ZNF202: variants seen among roughly 807,000 people sequenced by gnomAD.
ZNF202 encodes zinc finger protein with KRAB and SCAN domains 10.
ZNF202 carries 22 observed loss-of-function variants against 54.5 expected under a neutral mutation model. The ratio of observed to expected loss-of-function variants is 0.40; its 90% CI spans 0.29 to 0.58. The LOEUF (loss-of-function observed/expected upper bound fraction) is 0.58, where lower values mean the gene tolerates loss of function less well. Ranked by LOEUF, ZNF202 falls within the 20% of genes least tolerant of loss-of-function variation. The probability of loss-of-function intolerance (pLI) is 0.39; values close to 1 mark genes in which losing one functional copy is unlikely to be tolerated. For synonymous variants in ZNF202, 294 were observed against 301.4 expected (o/e 0.98, Z 0.26); for missense variants, 644 against 805.5 (o/e 0.80, Z 2.43).
intron 3 of ZNF202, among the ~76,000 whole-genome samples, chr11:123,736,519 T>C (rs1861638298): frequency 6.6e-6 from 1 of 152,242 alleles, no homozygotes; most frequent in Admixed American, 6.5e-5. Flanking sequence ...AGAATAGAAA[T>C]TGGCTAATAA....
chr11:123,726,576 G>A lies in ZNF202; in HGVS notation c.1368C>T (p.Pro456=). Residue 456 remains proline (P), a synonymous_variant, in exon 9 of 9, where the codon CCC becomes CCT. Coordinates refer to ENST00000530393, the MANE Select transcript of ZNF202 (RefSeq NM_003455.4). This position sits in a 1 kb window ranked among gnomAD's most constrained non-coding sequence, Gnocchi z 6.0. ...TCTCTTCCAAATTCTTCCGGTTTAG[G>A]GGATATTTGTAAGGCGCGTTCATCT... ...VHKMNAPYKY[P]LNRKNLEETS... 5 of 1,614,168 alleles carry A rather than the reference G, an allele frequency of 3.1e-6. No homozygotes were observed. The highest frequency in any genetic ancestry group is 4.2e-6 in the Non-Finnish European group (5 of 1,180,042).
At chr11:123,732,415 CGT>C (rs1462710497) in intron 3 of ZNF202, among the ~76,000 whole-genome samples, 1 of 152,222 alleles carries the variant, frequency 6.6e-6, no homozygotes, top group Non-Finnish European at 1.5e-5. Flanking sequence ...CACGCACACA[CGT>C]GTGTACATGC....
In ZNF202 at chr11:123,727,007, G is replaced by C; in HGVS notation, c.953-16C>G. On this transcript the variant is annotated splice_polypyrimidine_tract_variant and intron_variant, in intron 8 of 8. Coordinates refer to ENST00000530393, the MANE Select transcript of ZNF202 (RefSeq NM_003455.4). ...CTCCTATCTCCTGTAGAAAGGGTGA[G>C]AGGAAAAAGGGGGTCACTGTAGCGG... is the stretch of plus-strand genomic sequence containing the variant. 1 of 1,590,972 alleles carries C rather than the reference G, an allele frequency of 6.3e-7. No homozygotes were observed. The highest frequency in any genetic ancestry group is 8.5e-7 in the Non-Finnish European group (1 of 1,170,656).
intron 6 of ZNF202, among the ~76,000 whole-genome samples, chr11:123,728,661 T>C (rs1033954436): frequency 6.6e-6 from 1 of 152,226 alleles, no homozygotes; most frequent in Non-Finnish European, 1.5e-5. Flanking sequence ...CAAGACTTTT[T>C]TCCTCAGTTA....
Position 123,724,023 on chromosome 11 carries a change from T to C in ZNF202, c.*1974A>G, listed in dbSNP as rs944185020. Among the ~76,000 whole-genome samples the C allele has an allele frequency of 6.6e-6, 1 of 152,200 alleles. No individual in the cohort carries two copies. Among genetic ancestry groups the C allele is most frequent in the South Asian group, 2.1e-4 (1 of 4,826 alleles). On this transcript the variant is annotated 3_prime_UTR_variant, in exon 9 of 9. Transcript: ENST00000530393. The stretch of plus-strand genomic sequence containing the variant: ...CCAGTATTTTACCAACCTTTATAAA[T>C]GGTTAAGTCTGAGCTAGGAGAAACT...
At position 123,726,321 on chromosome 11, in the gene ZNF202, C is replaced by G. The variant is rs1356436213; in HGVS notation, c.1623G>C (p.Glu541Asp). The change falls in exon 9 of 9, where the codon GAG (glutamate) becomes GAC (aspartate). Residue 541 changes from glutamate to aspartate, a missense_variant. This residue lies in a region of ZNF202 where 536 missense variants were observed against 635.3 expected (regional missense o/e 0.84). Coordinates refer to ENST00000530393, the MANE Select transcript of ZNF202 (RefSeq NM_003455.4). The surrounding 1 kb of genome is among the most constrained non-coding windows in gnomAD (Gnocchi z 6.0). ...TGTGTTCACTGAAGTCCTCACCACA[C>G]TCTCCACACAAGTAGGGTTTGCCTC... ...HLGGKPYLCG[E>D]CGEDFSEHRR... The G allele has an allele frequency of 1.9e-6, 3 of 1,614,240 alleles. No homozygotes were observed. Among genetic ancestry groups the G allele is most frequent in the African/African-American group, 1.3e-5 (1 of 75,074 alleles).
At chr11:123,732,152 C>G (rs1054230207) in intron 3 of ZNF202, among the ~76,000 whole-genome samples, 1 of 152,196 alleles carries the variant, frequency 6.6e-6, no homozygotes, top group African/African-American at 2.4e-5. Flanking sequence ...TTAGGTCCCT[C>G]TCACTTCTCA....
At position 123,726,472 on chromosome 11, in the gene ZNF202, C is replaced by T. The variant is rs150835875; in HGVS notation, c.1472G>A (p.Arg491His). The T allele has an allele frequency of 4.3e-6, 7 of 1,614,120 alleles. No individual in the cohort carries two copies. The highest frequency in any genetic ancestry group is 4.0e-5 in the African/African-American group (3 of 74,938). The stretch of plus-strand genomic sequence containing the variant: ...ATGTCTGACAAGGTCTGAAGTCCAG[C>T]GGAAGTGCTTTCCGCAATCATCACA... The part of the protein sequence containing the change: ...YRCDDCGKHF[R>H]WTSDLVRHQR... The change falls in exon 9 of 9, where the codon CGC (arginine) becomes CAC (histidine). Residue 491 changes from arginine (R) to histidine (H), a missense_variant. Transcript: ENST00000530393. This position sits in a 1 kb window ranked among gnomAD's most constrained non-coding sequence, Gnocchi z 6.0.
chr11:123,725,929 G>C lies in ZNF202; in HGVS notation c.*68C>G. 1 of 1,524,966 alleles carries C rather than the reference G, an allele frequency of 6.6e-7. No homozygotes were observed. Among genetic ancestry groups the C allele is most frequent in the African/African-American group, 1.4e-5 (1 of 72,298 alleles). 94.5% of individuals were successfully genotyped at this position (1,524,966 alleles called of 1,614,324 possible). ...AAAAGGTCTTCCCAGGCTGACAAGA[G>C]GGCTTTTCCTCTTCCTCACCTCCCT... On this transcript the variant is annotated 3_prime_UTR_variant, in exon 9 of 9. Coordinates refer to ENST00000530393, the MANE Select transcript of ZNF202 (RefSeq NM_003455.4).
chr11:123,739,618 GTTGTT>G (rs1452336272), intron 3 of ZNF202: 1 of 152,216 alleles, frequency 6.6e-6, no homozygotes, highest in Non-Finnish European at 1.5e-5. Flanking sequence ...ATAGCATTCA[GTTGTT>G]TTAAGTACGC....
At chr11:123,728,607 A>T (rs1353306160) in intron 6 of ZNF202, among the ~76,000 whole-genome samples, 1 of 152,226 alleles carries the variant, frequency 6.6e-6, no homozygotes, top group African/African-American at 2.4e-5. Flanking sequence ...CTTTCCCTAA[A>T]GACTCTAATC....
Position 123,729,175 on chromosome 11 carries a change from C to T in ZNF202, c.653G>A (p.Arg218Lys). The change falls in exon 6 of 9, where the codon AGG becomes AAG. Residue 218 changes from arginine (R) to lysine (K), a missense_variant. Around this residue, in one of 3 missense-constraint regions of ZNF202, gnomAD observed 536 missense variants for 635.3 expected, o/e 0.84. Transcript: ENST00000530393. ...VPEDPDLPAE[R>K]SSGDSEMVAL... ...AACCATCTCTGAGTCTCCAGAGCTC[C>T]TCTCTGCAGGAAGGTCTGGGTCCTC... 6.2e-7 allele frequency: 1 copy of T among 1,613,932 alleles called. No homozygotes were observed. The highest frequency in any genetic ancestry group is 8.5e-7 in the Non-Finnish European group (1 of 1,180,016).
At chr11:123,737,945 T>A (rs1591390381) in intron 3 of ZNF202, among the ~76,000 whole-genome samples, 3 of 152,146 alleles carry the variant, frequency 2.0e-5, no homozygotes, top group Admixed American at 2.0e-4. Context: ...TATTGAATAT[T>A]TGGGCCATAA....
Position 123,729,524 on chromosome 11 carries a change from A to T in ZNF202, c.613+91T>A, listed in dbSNP as rs1019045379. The T allele has an allele frequency of 2.0e-4, 269 of 1,379,012 alleles. 1 individual carries two copies. The highest frequency in any genetic ancestry group is 2.5e-4 in the Non-Finnish European group (265 of 1,042,614). 85.4% of individuals were successfully genotyped at this position (1,379,012 alleles called of 1,614,324 possible). Reference sequence around the variant, plus strand: ...GTCTTTCCATACAGTCTATCTACCCAGCTTCCTTGGTATAGGAGAAATGTC... The same window carrying T: ...GTCTTTCCATACAGTCTATCTACCCTGCTTCCTTGGTATAGGAGAAATGTC... On this transcript the variant is annotated intron_variant, in intron 5 of 8. Coordinates refer to ENST00000530393, the MANE Select transcript of ZNF202 (RefSeq NM_003455.4).
intron 3 of ZNF202, among the ~76,000 whole-genome samples, chr11:123,737,547 A>G (rs1462308978): frequency 6.6e-6 from 1 of 152,214 alleles, no homozygotes; most frequent in African/African-American, 2.4e-5. Context: ...TAGTACAGGG[A>G]AGTCACAAGT....
At chr11:123,734,763 T>G (rs1861561168) in intron 3 of ZNF202, among the ~76,000 whole-genome samples, 1 of 152,218 alleles carries the variant, frequency 6.6e-6, no homozygotes, top group Non-Finnish European at 1.5e-5. Context: ...AGAGAATGCT[T>G]AGTAAGGTTT....
chr11:123,726,503 A>T lies in ZNF202; in HGVS notation c.1441T>A (p.Tyr481Asn). 6.2e-7 allele frequency: 1 copy of T among 1,614,190 alleles called. No homozygotes were observed. The highest frequency in any genetic ancestry group is 8.5e-7 in the Non-Finnish European group (1 of 1,180,034). ...TGCTTTCCGCAATCATCACATCTAT[A>T]GGGTTTCTCCACTGATGGAGTTCTC... ...AERTPSVEKPYRCDDCGKHFR... is the reference protein window; with the variant it reads ...AERTPSVEKPNRCDDCGKHFR... Residue 481 changes from tyrosine to asparagine, a missense_variant, in exon 9 of 9, where the codon TAT (tyrosine) becomes AAT (asparagine). Tyr to Asn is a moderately radical substitution (Grantham distance 143, BLOSUM62 -2). This residue lies in a region of ZNF202 where 536 missense variants were observed against 635.3 expected (regional missense o/e 0.84). Transcript: ENST00000530393. The surrounding 1 kb of genome is among the most constrained non-coding windows in gnomAD (Gnocchi z 6.0).
At position 123,726,464 on chromosome 11, in the gene ZNF202, A is replaced by C; in HGVS notation, c.1480T>G (p.Ser494Ala). Residue 494 changes from serine to alanine, a missense_variant, in exon 9 of 9, where the codon TCA becomes GCA. Physicochemically the swap from Ser to Ala is moderately conservative, Grantham distance 99 (BLOSUM62 1). Around this residue, in one of 3 missense-constraint regions of ZNF202, gnomAD observed 536 missense variants for 635.3 expected, o/e 0.84. Transcript: ENST00000530393. The surrounding 1 kb of genome is among the most constrained non-coding windows in gnomAD (Gnocchi z 6.0). ...GTCCTCTGATGTCTGACAAGGTCTG[A>C]AGTCCAGCGGAAGTGCTTTCCGCAA... ...DDCGKHFRWT[S>A]DLVRHQRTHT... 6.2e-7 allele frequency: 1 copy of C among 1,614,224 alleles called. No homozygotes were observed. The highest frequency in any genetic ancestry group is 8.5e-7 in the Non-Finnish European group (1 of 1,180,044).
At position 123,730,836 on chromosome 11, in the gene ZNF202, A is replaced by C; in HGVS notation, c.53T>G (p.Ile18Ser). Residue 18 changes from isoleucine (I) to serine (S), a missense_variant, in exon 4 of 9, where the codon ATT becomes AGT. Physicochemically the swap from Ile to Ser is moderately radical, Grantham distance 142. Around this residue, in one of 3 missense-constraint regions of ZNF202, gnomAD observed 46 missense variants for 47.4 expected, o/e 0.97. Coordinates refer to ENST00000530393, the MANE Select transcript of ZNF202 (RefSeq NM_003455.4). The surrounding 1 kb of genome is among the most constrained non-coding windows in gnomAD (Gnocchi z 6.0). ...ATCATCTTCCAGTTTCACCATCAGA[A>C]TTCCCTCTTCTTCCCAAAGATCCTG... ...EDQDLWEEEG[I>S]LMVKLEDDFT... is the part of the protein sequence containing the mutation. The C allele has an allele frequency of 1.2e-6, 2 of 1,614,164 alleles. No homozygotes were observed. The highest frequency in any genetic ancestry group is 1.7e-6 in the Non-Finnish European group (2 of 1,180,030).
Sources: gnomAD v4.1 joint callset for allele counts (sites outside exome capture counted in the v4.1 genomes callset) on GRCh38, gnomAD v4.1.1 for gene constraint, gnomAD v4.1.1 regional missense constraint, Gnocchi (gnomAD v3.1) non-coding constraint, MANE v1.5 for transcripts, NCBI Gene and HGNC (gene_info 2026-07-23, HGNC 2026-07-21) for gene names.